Variants in DSE observed in about 807,000 individuals in gnomAD.
The protein encoded by DSE is dermatan sulfate epimerase, also known as dermatan-sulfate epimerase.
DSE carries 36 observed loss-of-function variants against 84.4 expected under a neutral mutation model. The observed-to-expected ratio is 0.43, with a 90% CI of 0.33 to 0.56. The LOEUF is 0.56. Ranked by LOEUF, DSE falls within the 20% of genes least tolerant of loss-of-function variation. The pLI, the probability that DSE is intolerant of heterozygous loss-of-function variation, is 0.06. For missense variants in DSE, 862 were observed against 1,169.6 expected (o/e 0.74, Z 3.84); for synonymous variants, 410 against 430.1 (o/e 0.95, Z 0.58).
chr6:116,388,251 G>A (rs1780686128), intron 1 of DSE, among the ~76,000 whole-genome samples: 1 of 152,212 alleles, frequency 6.6e-6, no homozygotes, highest in African/African-American at 2.4e-5. Context: ...TAGGACCACT[G>A]TTGGTGTAAA....
intron 2 of DSE, chr6:116,279,908 A>C (rs928373304): frequency 3.1e-6 from 5 of 1,592,156 alleles, no homozygotes; most frequent in Non-Finnish European, 4.3e-6. Context: ...CGCCGCTCGC[A>C]CCGCCCACCC....
At chr6:116,326,548 C>T (rs566318221) in intron 2 of DSE, among the ~76,000 whole-genome samples, 25 of 152,056 alleles carry the variant, frequency 1.6e-4, no homozygotes, top group Middle Eastern at 6.8e-3. Flanking sequence ...TCCCATGCTG[C>T]GGCACCACCG....
intron 2 of DSE, among the ~76,000 whole-genome samples, chr6:116,317,287 G>A (rs1469136341): frequency 1.3e-5 from 2 of 152,228 alleles, no homozygotes; most frequent in Non-Finnish European, 2.9e-5. Flanking sequence ...GTGGATTTCA[G>A]AACAGAGCAG....
intron 2 of DSE, among the ~76,000 whole-genome samples, chr6:116,309,354 A>G (rs1775532174): frequency 6.6e-6 from 1 of 152,136 alleles, no homozygotes; most frequent in African/African-American, 2.4e-5. Flanking sequence ...ACACCACTCT[A>G]AAATGAAGAA....
intron 1 of DSE, among the ~76,000 whole-genome samples, chr6:116,389,812 A>G (rs1050990999): frequency 7.9e-5 from 12 of 152,100 alleles, no homozygotes; most frequent in Non-Finnish European, 1.8e-4. Flanking sequence ...AAAATCTTTT[A>G]CTCTTTAGAG....
chr6:116,341,957 A>T (rs769243965), intron 2 of DSE, among the ~76,000 whole-genome samples: 1 of 152,124 alleles, frequency 6.6e-6, no homozygotes, highest in Non-Finnish European at 1.5e-5. Flanking sequence ...TTTGCTTAGG[A>T]TTGTCTTGGC....
At chr6:116,302,444 G>A (rs1158591172) in intron 2 of DSE, among the ~76,000 whole-genome samples, 6 of 152,180 alleles carry the variant, frequency 3.9e-5, no homozygotes, top group Non-Finnish European at 2.9e-5. Flanking sequence ...CTTTTGAGAA[G>A]TGTCTGTTCA....
intron 2 of DSE, among the ~76,000 whole-genome samples, chr6:116,341,644 T>C (rs1403492787): frequency 6.6e-6 from 1 of 152,262 alleles, no homozygotes; most frequent in African/African-American, 2.4e-5. Flanking sequence ...TTTAAGTCTT[T>C]AATCCATCTT....
intron 2 of DSE, among the ~76,000 whole-genome samples, chr6:116,284,440 C>T (rs1773741041): frequency 2.0e-5 from 3 of 152,146 alleles, no homozygotes; most frequent in Admixed American, 1.3e-4. Context: ...GTAATAGACC[C>T]ATGATTCGAA....
chr6:116,267,778 G>A (rs1009284646), intron 2 of DSE, among the ~76,000 whole-genome samples: 1 of 152,120 alleles, frequency 6.6e-6, no homozygotes, highest in African/African-American at 2.4e-5. Context: ...AGTTCCGTAT[G>A]CCTGAGGAGC....
At chr6:116,390,189 T>C (rs1350174760) in intron 1 of DSE, among the ~76,000 whole-genome samples, 1 of 151,962 alleles carries the variant, frequency 6.6e-6, no homozygotes, top group African/African-American at 2.4e-5. Flanking sequence ...CACCTCAGCC[T>C]CCCAAGTAGC....
chr6:116,341,275 G>A (rs985897175), intron 2 of DSE, among the ~76,000 whole-genome samples: 1 of 152,164 alleles, frequency 6.6e-6, no homozygotes, highest in Non-Finnish European at 1.5e-5. Context: ...CTGCATAAAT[G>A]TCTTCTTTTG....
chr6:116,375,780 A>C (rs1779886312), intron 1 of DSE, among the ~76,000 whole-genome samples: 1 of 152,220 alleles, frequency 6.6e-6, no homozygotes. Flanking sequence ...AAATACTTGC[A>C]TTTTGAAATT....
At chr6:116,366,783 G>A (rs758468503), upstream of DSE, 1 of 152,172 alleles carries the variant, frequency 6.6e-6, no homozygotes, top group South Asian at 2.1e-4. Context: ...ACCATTTATG[G>A]TTTGGGAAAT....
chr6:116,269,656 G>A (rs1772797754), intron 2 of DSE, among the ~76,000 whole-genome samples: 1 of 152,068 alleles, frequency 6.6e-6, no homozygotes, highest in Admixed American at 6.5e-5. Flanking sequence ...GGCTGATAGG[G>A]AAAACAACCC....
intron 2 of DSE, 122 bp from the exon 3 acceptor site, chr6:116,426,452 C>G: frequency 7.6e-7 from 1 of 1,319,446 alleles, no homozygotes. Context: ...AGTTGTGTGT[C>G]ATTAAGCCCT....
chr6:116,358,624 G>A (rs1027073107), intron 2 of DSE, among the ~76,000 whole-genome samples: 2 of 152,196 alleles, frequency 1.3e-5, no homozygotes, highest in African/African-American at 4.8e-5. Flanking sequence ...AGAATTTCTT[G>A]TTGTGCCTCA....
chr6:116,399,777 G>A, intron 2 of DSE, 111 bp downstream of exon 2: 1 of 1,043,582 alleles, frequency 9.6e-7, no homozygotes, highest in Non-Finnish European at 1.4e-6. Flanking sequence ...GTATGTGTGT[G>A]GGGGGAGGTG....
chr6:116,332,291 G>A (rs1252308554), intron 2 of DSE, among the ~76,000 whole-genome samples: 1 of 152,044 alleles, frequency 6.6e-6, no homozygotes, highest in Admixed American at 6.6e-5. Flanking sequence ...TTATATATTG[G>A]AAGACTCAGC....
Sources: allele counts gnomAD v4.1 joint callset (sites outside exome capture counted in the v4.1 genomes callset), GRCh38; gene constraint gnomAD v4.1.1; transcripts MANE v1.5; gene names NCBI Gene and HGNC (gene_info 2026-07-23, HGNC 2026-07-21).